The following SPATA1 variants were observed in gnomAD, a reference collection of about 807,000 sequenced individuals.
SPATA1 encodes spermatogenesis associated 1.
Under a neutral mutation model 59.6 loss-of-function variants are expected in SPATA1, and 57 were observed. That is an observed-to-expected ratio of 0.96 (90% CI 0.77 to 1.19). SPATA1 has a LOEUF of 1.19. Among genes scored for constraint, SPATA1 ranks in the 50% most tolerant of loss-of-function variants. SPATA1 has a pLI of 0.00. For synonymous variants in SPATA1, 147 were observed against 163.9 expected, an observed-to-expected ratio of 0.90 and a Z score of 0.79; for missense variants, 448 against 480.7, an observed-to-expected ratio of 0.93 and a Z score of 0.64.
At chr1:84,544,369 A>G in intron 9 of SPATA1, 65 bp downstream of exon 9, 1 of 1,254,440 alleles carries the variant, frequency 8.0e-7, no homozygotes, top group South Asian at 1.3e-5. Context: ...GTTAATGGGG[A>G]GTTACTGTTT....
chr1:84,512,884 T>C (rs1221726803), intron 1 of SPATA1, among the ~76,000 whole-genome samples: 1 of 152,230 alleles, frequency 6.6e-6, no homozygotes, highest in African/African-American at 2.4e-5. Flanking sequence ...AGTAGAGTTG[T>C]GAAGCAAAAT....
chr1:84,533,911 TTC>T (rs1187474260), intron 8 of SPATA1, 145 bp downstream of exon 8: 16 of 536,934 alleles, frequency 3.0e-5, no homozygotes, highest in Middle Eastern at 4.2e-4. Context: ...AGTCCAATTT[TTC>T]TGTTTTTATA....
At chr1:84,551,011 G>C in intron 12 of SPATA1, 1 of 985,056 alleles carries the variant, frequency 1.0e-6, no homozygotes, top group Non-Finnish European at 1.2e-6. Flanking sequence ...CTATGCCTTA[G>C]TTAACTTTGT....
chr1:84,554,948 T>A, downstream of SPATA1: 1 of 1,421,554 alleles, frequency 7.0e-7, no homozygotes, highest in Non-Finnish European at 9.8e-7. Context: ...AGAAACTAGA[T>A]CTGTTGATAC....
intron 11 of SPATA1, among the ~76,000 whole-genome samples, chr1:84,549,398 C>G (rs1684200715): frequency 6.6e-6 from 1 of 152,112 alleles, no homozygotes; most frequent in Non-Finnish European, 1.5e-5. Context: ...GACTGACTTA[C>G]AGACTAATTA....
At chr1:84,542,137 T>C (rs899308940) in intron 8 of SPATA1, among the ~76,000 whole-genome samples, 2 of 152,130 alleles carry the variant, frequency 1.3e-5, no homozygotes, top group East Asian at 1.9e-4. Context: ...CTAAGTTTTG[T>C]ATTTTTAGTA....
At chr1:84,535,298 T>C (rs553880252) in intron 8 of SPATA1, among the ~76,000 whole-genome samples, 2 of 152,270 alleles carry the variant, frequency 1.3e-5, no homozygotes, top group Non-Finnish European at 2.9e-5. Context: ...CAATTTTTTT[T>C]CAAGATCATT....
At chr1:84,526,057 C>G (rs780742570) in exon 6 of SPATA1, 3 of 1,609,428 alleles carry the variant, frequency 1.9e-6, no homozygotes, top group East Asian at 2.2e-5. Context: ...AGCTTCCTAA[C>G]AAGAATCAGG....
intron 6 of SPATA1, among the ~76,000 whole-genome samples, chr1:84,529,075 G>C (rs969447871): frequency 6.6e-6 from 1 of 150,376 alleles, no homozygotes; most frequent in Non-Finnish European, 1.5e-5. Context: ...TTCTGAACTA[G>C]TACTGACATT....
chr1:84,556,166 C>G (rs946684711), downstream of SPATA1, among the ~76,000 whole-genome samples: 1 of 152,120 alleles, frequency 6.6e-6, no homozygotes, highest in African/African-American at 2.4e-5. Flanking sequence ...CTACCTCTAT[C>G]TAGTACTAAC....
intron 4 of SPATA1, chr1:84,563,843 AG>A (rs770371410): frequency 2.5e-6 from 4 of 1,596,578 alleles, no homozygotes; most frequent in Admixed American, 1.7e-5. Flanking sequence ...CTAGTCAAGC[AG>A]GAGAGAAAAA....
chr1:84,525,043 C>T (rs1025568943), intron 4 of SPATA1, among the ~76,000 whole-genome samples: 8 of 152,168 alleles, frequency 5.3e-5, no homozygotes, highest in African/African-American at 1.9e-4. Context: ...GTGGTGCACT[C>T]TCAGCTCACT....
chr1:84,524,534 G>A (rs1375016984), intron 4 of SPATA1, among the ~76,000 whole-genome samples: 4 of 152,090 alleles, frequency 2.6e-5, no homozygotes, highest in Non-Finnish European at 5.9e-5. Context: ...AGGGCCTAAG[G>A]AACAAGCTGC....
At chr1:84,560,097 A>AAAAGAAAGAAAGAAAG (rs59549626) in intron 4 of SPATA1, among the ~76,000 whole-genome samples, 1 of 114,712 alleles carries the variant, frequency 8.7e-6, no homozygotes, top group Non-Finnish European at 1.7e-5. Context: ...AAAAAAAAAA[A>AAAAGAAAGAAAGAAAG]AAAGAAAGAA....
intron 6 of SPATA1, among the ~76,000 whole-genome samples, chr1:84,530,984 A>G (rs1352050369): frequency 6.6e-6 from 1 of 152,196 alleles, no homozygotes; most frequent in Non-Finnish European, 1.5e-5. Context: ...CTGTGACTCT[A>G]TCATATTTTA....
intron 5 of SPATA1, 28 bp downstream of exon 5, chr1:84,525,777 G>A: frequency 6.2e-7 from 1 of 1,604,774 alleles, no homozygotes; most frequent in Non-Finnish European, 8.5e-7. Flanking sequence ...TTAAACTTAT[G>A]CTAATTTTTA....
intron 10 of SPATA1, 150 bp from the exon 11 acceptor site, chr1:84,548,636 T>TATAAAAAAAGGAG (rs1684168326): frequency 1.2e-5 from 12 of 962,942 alleles, no homozygotes; most frequent in Non-Finnish European, 1.5e-5. Flanking sequence ...GACCTCAGTA[T>TATAAAAAAAGGAG]ATAAAAAAAG....
chr1:84,522,256 CAT>C, intron 3 of SPATA1, 132 bp from the exon 4 acceptor site: 1 of 440,276 alleles, frequency 2.3e-6, no homozygotes, highest in Non-Finnish European at 4.0e-6. Flanking sequence ...AATGTGGAAA[CAT>C]AATATGTTAA....
downstream of SPATA1, among the ~76,000 whole-genome samples, chr1:84,556,500 C>G (rs1360199779): frequency 2.0e-5 from 3 of 151,818 alleles, no homozygotes; most frequent in South Asian, 4.2e-4. Flanking sequence ...ATCATGAGGT[C>G]GAGAGATCGA....
Sources: allele counts gnomAD v4.1 joint callset (sites outside exome capture counted in the v4.1 genomes callset), GRCh38; gene constraint gnomAD v4.1.1; transcripts MANE v1.5; gene names NCBI Gene and HGNC (gene_info 2026-07-23, HGNC 2026-07-21).